Variants in PARD3 observed in about 807,000 individuals in gnomAD.
PARD3 encodes par-3 family cell polarity regulator, also known as partitioning defective 3 homolog.
PARD3 carries 75 observed loss-of-function variants against 155.4 expected under a neutral mutation model. The ratio of observed to expected loss-of-function variants is 0.48; its 90% CI spans 0.40 to 0.58. The LOEUF (loss-of-function observed/expected upper bound fraction) is 0.58, where lower values mean the gene tolerates loss of function less well. Ranked by LOEUF, PARD3 falls within the 20% of genes least tolerant of loss-of-function variation. The pLI is 0.00. For missense variants in PARD3, 1,642 were observed against 1,721.7 expected, an observed-to-expected ratio of 0.95 and a Z score of 0.82; for synonymous variants, 576 against 610.5, an observed-to-expected ratio of 0.94 and a Z score of 0.83.
intron 2 of PARD3, among the ~76,000 whole-genome samples, chr10:34,529,420 C>A (rs1023398935): frequency 6.6e-6 from 1 of 152,164 alleles, no homozygotes; most frequent in African/African-American, 2.4e-5. Flanking sequence ...GTACTCAACA[C>A]CACAAGGAGG....
In PARD3 at chr10:34,470,111, C is replaced by G. The variant is rs937446001; in HGVS notation, c.556G>C (p.Gly186Arg). Residue 186 changes from glycine (G) to arginine (R), a missense_variant, in exon 4 of 25, where the codon GGG becomes CGG. Gly to Arg is a moderately radical substitution (Grantham distance 125). Transcript: ENST00000374788. ...TTCCTGTCGCAGGTTTTAGGACTCC[C>G]AGCAGTGTTCTGCTTGAGGAAGCCA... ...TAGFLKQNTA[G>R]SPKTCDRKKD... The G allele has an allele frequency of 1.9e-6, 3 of 1,611,114 alleles. No individual in the cohort carries two copies. Among genetic ancestry groups the G allele is most frequent in the Non-Finnish European group, 1.7e-6 (2 of 1,178,736 alleles).
chr10:34,557,737 C>A (rs2085119966), intron 2 of PARD3, among the ~76,000 whole-genome samples: 1 of 151,946 alleles, frequency 6.6e-6, no homozygotes, highest in African/African-American at 2.4e-5. Flanking sequence ...GGATTACAGG[C>A]ATGAGCCACT....
intron 20 of PARD3, among the ~76,000 whole-genome samples, chr10:34,286,360 C>T (rs1206424629): frequency 6.6e-6 from 1 of 150,984 alleles, no homozygotes; most frequent in Non-Finnish European, 1.5e-5. Flanking sequence ...ACTCAGGTAA[C>T]GAATTAGCAT....
At chr10:34,398,812 T>C (rs969397320) in intron 7 of PARD3, among the ~76,000 whole-genome samples, 1 of 152,228 alleles carries the variant, frequency 6.6e-6, no homozygotes, top group African/African-American at 2.4e-5. Context: ...AGTACATGAT[T>C]TTTAGACTCA....
intron 5 of PARD3, among the ~76,000 whole-genome samples, chr10:34,408,726 A>C (rs1002842106): frequency 2.6e-5 from 4 of 152,184 alleles, no homozygotes; most frequent in African/African-American, 9.6e-5. Context: ...CAAAGAAATA[A>C]AATCAGGAAA....
At chr10:34,451,773 G>GTTTT (rs5784419) in intron 4 of PARD3, among the ~76,000 whole-genome samples, 10 of 141,318 alleles carry the variant, frequency 7.1e-5, no homozygotes, top group African/African-American at 2.3e-4. Context: ...TTAGCAGCAA[G>GTTTT]TTTTTTTTTT....
intron 5 of PARD3, among the ~76,000 whole-genome samples, chr10:34,425,397 C>T (rs1012584347): frequency 1.6e-4 from 24 of 152,256 alleles, no homozygotes; most frequent in Admixed American, 8.5e-4. Context: ...TACTCACAAA[C>T]GAAAATTCCA....
At chr10:34,747,824 C>T (rs985754144) in intron 1 of PARD3, among the ~76,000 whole-genome samples, 1 of 152,244 alleles carries the variant, frequency 6.6e-6, no homozygotes. Flanking sequence ...GGGGCAGACA[C>T]TGCAACTGGC....
chr10:34,786,054 T>C (rs923214291), intron 1 of PARD3, among the ~76,000 whole-genome samples: 30 of 93,716 alleles, frequency 3.2e-4, no homozygotes, highest in African/African-American at 9.6e-4. Context: ...TCTTCACTCA[T>C]GTGTGTGGTA....
intron 22 of PARD3, among the ~76,000 whole-genome samples, chr10:34,238,891 ATAC>A (rs983174832): frequency 2.6e-5 from 4 of 152,226 alleles, no homozygotes; most frequent in Non-Finnish European, 4.4e-5. Flanking sequence ...AGCCATGAAT[ATAC>A]ATGGTTTTAA....
At chr10:34,764,934 T>G (rs959147166) in intron 1 of PARD3, among the ~76,000 whole-genome samples, 1 of 152,204 alleles carries the variant, frequency 6.6e-6, no homozygotes, top group Admixed American at 6.5e-5. Flanking sequence ...CCATAATCTA[T>G]GTACTTCACC....
intron 2 of PARD3, among the ~76,000 whole-genome samples, chr10:34,573,730 AACAAAAACAC>A (rs763288516): frequency 0.021 from 754 of 36,328 alleles, 5 homozygotes; most frequent in East Asian, 0.036. Flanking sequence ...CAAACAAACA[AACAAAAACAC>A]ACACACACAC....
At chr10:34,625,080 G>C (rs2091913706) in intron 2 of PARD3, among the ~76,000 whole-genome samples, 1 of 152,122 alleles carries the variant, frequency 6.6e-6, no homozygotes, top group Admixed American at 6.5e-5. Flanking sequence ...TAACTGATTT[G>C]GGGGCATAAA....
chr10:34,176,842 T>G (rs1385674718), intron 22 of PARD3, among the ~76,000 whole-genome samples: 1 of 152,204 alleles, frequency 6.6e-6, no homozygotes, highest in East Asian at 1.9e-4. Flanking sequence ...GCCACTGAAC[T>G]CCCAGGGCTT....
intron 4 of PARD3, among the ~76,000 whole-genome samples, chr10:34,468,560 G>A (rs920793760): frequency 2.0e-5 from 3 of 152,136 alleles, no homozygotes; most frequent in African/African-American, 7.2e-5. Context: ...ATAGTCTACT[G>A]CAAGATAAAG....
At chr10:34,386,561 G>C (rs4534519) in intron 7 of PARD3, among the ~76,000 whole-genome samples, 10,252 of 152,146 alleles carry the variant, frequency 0.067, 464 homozygotes, top group Non-Finnish European at 0.096. Flanking sequence ...AGTGGTTCAC[G>C]CCTGTAATCC....
chr10:34,135,863 T>C (rs954311298), intron 22 of PARD3, among the ~76,000 whole-genome samples: 4 of 152,180 alleles, frequency 2.6e-5, no homozygotes, highest in Non-Finnish European at 5.9e-5. Context: ...CTTACACGTA[T>C]ATGAATTCAG....
At chr10:34,156,116 T>A (rs1401717130) in intron 22 of PARD3, among the ~76,000 whole-genome samples, 2 of 152,158 alleles carry the variant, frequency 1.3e-5, no homozygotes, top group Non-Finnish European at 2.9e-5. Context: ...TTTCTGATTA[T>A]TATTGTTTTT....
chr10:34,193,967 CTA>C (rs1950828609), intron 22 of PARD3, among the ~76,000 whole-genome samples: 1 of 152,122 alleles, frequency 6.6e-6, no homozygotes, highest in African/African-American at 2.4e-5. Flanking sequence ...AATAGATTTC[CTA>C]TAGCAGCTGC....
Sources: gnomAD v4.1 joint callset for allele counts (sites outside exome capture counted in the v4.1 genomes callset) on GRCh38, gnomAD v4.1.1 for gene constraint, MANE v1.5 for transcripts, NCBI Gene and HGNC (gene_info 2026-07-23, HGNC 2026-07-21) for gene names.